The following GRID2 variants were observed in gnomAD, a reference collection of about 807,000 sequenced individuals.
GRID2 encodes the protein glutamate receptor ionotropic, delta-2.
In GRID2, 33 loss-of-function variants were observed where a neutral mutation model predicts 114.8. The ratio of observed to expected loss-of-function variants is 0.29; its 90% CI spans 0.22 to 0.38. GRID2 has a LOEUF of 0.38. Ranked by LOEUF, GRID2 falls within the 10% of genes least tolerant of loss-of-function variation. The probability of loss-of-function intolerance (pLI) is 1.00; values close to 1 mark genes in which losing one functional copy is unlikely to be tolerated. For synonymous variants in GRID2, 505 were observed against 449.9 expected (o/e 1.12, Z -1.55); for missense variants, 1,184 against 1,257.7 (o/e 0.94, Z 0.89).
At chr4:93,465,574 T>C (rs1019495370) in intron 11 of GRID2, among the ~76,000 whole-genome samples, 2 of 152,164 alleles carry the variant, frequency 1.3e-5, no homozygotes, top group Admixed American at 6.5e-5. Flanking sequence ...AAAGAACTCA[T>C]GGATATAAAA....
intron 2 of GRID2, among the ~76,000 whole-genome samples, chr4:92,605,874 C>T (rs1178847691): frequency 6.6e-6 from 1 of 152,036 alleles, no homozygotes; most frequent in Non-Finnish European, 1.5e-5. Flanking sequence ...GGTGTGTATT[C>T]CGAAGGAAAA....
intron 2 of GRID2, among the ~76,000 whole-genome samples, chr4:92,611,681 C>G (rs1729750472): frequency 1.3e-5 from 2 of 151,512 alleles, no homozygotes; most frequent in Admixed American, 1.3e-4. Context: ...AATTTCTTCA[C>G]ATTTTTGCCA....
intron 1 of GRID2, among the ~76,000 whole-genome samples, chr4:92,481,970 G>T (rs1041873307): frequency 2.6e-5 from 3 of 113,680 alleles, no homozygotes; most frequent in African/African-American, 6.9e-5. Flanking sequence ...GTGGACTGGA[G>T]AATAAAATGT....
chr4:92,556,461 A>C (rs181532158), intron 1 of GRID2, among the ~76,000 whole-genome samples: 1 of 152,108 alleles, frequency 6.6e-6, no homozygotes, highest in Admixed American at 6.5e-5. Flanking sequence ...TGGATCATTT[A>C]TTATTATTAT....
intron 2 of GRID2, among the ~76,000 whole-genome samples, chr4:92,805,926 G>C (rs1021739436): frequency 1.3e-5 from 2 of 151,330 alleles, no homozygotes; most frequent in Non-Finnish European, 2.9e-5. Flanking sequence ...TCTGCAAATC[G>C]TATTTACTGT....
At chr4:92,838,854 C>T (rs1178255171) in intron 2 of GRID2, 5 of 151,790 alleles carry the variant, frequency 3.3e-5, no homozygotes, top group Admixed American at 3.3e-4. Flanking sequence ...AGGATCATTT[C>T]CTCTCCTCTC....
intron 7 of GRID2, among the ~76,000 whole-genome samples, 160 bp downstream of exon 7, chr4:93,224,935 A>G (rs1235436950): frequency 3.9e-5 from 6 of 152,304 alleles, no homozygotes; most frequent in African/African-American, 1.4e-4. Flanking sequence ...AGAGTCATCA[A>G]CATATAAAAA....
intron 2 of GRID2, among the ~76,000 whole-genome samples, chr4:92,821,678 A>G (rs1015923890): frequency 2.6e-5 from 4 of 152,144 alleles, no homozygotes; most frequent in East Asian, 1.9e-4. Context: ...CTGCCTGCAT[A>G]TAGCCCACCC....
chr4:93,043,088 A>T (rs1225232217), intron 2 of GRID2, among the ~76,000 whole-genome samples: 1 of 152,160 alleles, frequency 6.6e-6, no homozygotes, highest in African/African-American at 2.4e-5. Context: ...GCAAGATATC[A>T]AGGTCTGTTA....
intron 2 of GRID2, among the ~76,000 whole-genome samples, chr4:92,931,251 C>G (rs1750209140): frequency 6.6e-6 from 1 of 150,542 alleles, no homozygotes; most frequent in Non-Finnish European, 1.5e-5. Flanking sequence ...GGAGAAATAA[C>G]TTAATAGGCA....
In GRID2 at chr4:93,449,148, A is replaced by C. The variant is rs563150694; in HGVS notation, c.1546-6514A>C. 2.7e-3 allele frequency among the ~76,000 whole-genome samples: 411 copies of C among 151,972 alleles called. 2 individuals carry two copies. Among genetic ancestry groups the C allele is most frequent in the Non-Finnish European group, 3.8e-3 (259 of 67,960 alleles). ...TAATATTTAAGAAAACTATCAAGAA[A>C]TTTCAAATATTTACAAAAATTTATT... On this transcript the variant is annotated intron_variant, in intron 10 of 15. Transcript: ENST00000282020.
chr4:92,440,423 C>T (rs1407885968), intron 1 of GRID2, among the ~76,000 whole-genome samples: 2 of 151,610 alleles, frequency 1.3e-5, no homozygotes, highest in Non-Finnish European at 2.9e-5. Flanking sequence ...GTGAAAGTGT[C>T]TACCTAGACT....
Position 93,081,624 on chromosome 4 carries a change from G to T in GRID2, c.245-3371G>T, listed in dbSNP as rs185034856. 1.7e-3 allele frequency among the ~76,000 whole-genome samples: 256 copies of T among 152,194 alleles called. 1 individual carries two copies. Among genetic ancestry groups the T allele is most frequent in the Middle Eastern group, 0.01 (3 of 294 alleles). The stretch of plus-strand genomic sequence containing the variant: ...ATAAAACCAGCAAGCTTTTCAATAT[G>T]ATCTGTATGTATAGATGTTTACGTA... On this transcript the variant is annotated intron_variant, in intron 2 of 15. Transcript: ENST00000282020.
At chr4:93,781,366 G>A (rs1343324596) in intron 1 of GRID2, among the ~76,000 whole-genome samples, 2 of 150,712 alleles carry the variant, frequency 1.3e-5, no homozygotes, top group Admixed American at 6.6e-5. Flanking sequence ...GAGGGGCTGC[G>A]GTGAGACCTG....
At chr4:93,270,464 A>G (rs1450834606) in intron 8 of GRID2, among the ~76,000 whole-genome samples, 1 of 152,154 alleles carries the variant, frequency 6.6e-6, no homozygotes, top group Non-Finnish European at 1.5e-5. Context: ...GGTTAGAGAC[A>G]TTTTGGAGAA....
intron 1 of GRID2, among the ~76,000 whole-genome samples, chr4:92,371,164 T>C (rs1360729347): frequency 6.6e-6 from 1 of 152,142 alleles, no homozygotes; most frequent in Non-Finnish European, 1.5e-5. Flanking sequence ...AAATGAAAGC[T>C]GTAACCATAA....
chr4:93,612,060 C>G (rs1740989089), intron 13 of GRID2, among the ~76,000 whole-genome samples: 1 of 152,050 alleles, frequency 6.6e-6, no homozygotes, highest in Non-Finnish European at 1.5e-5. Flanking sequence ...ATCCCTTTAC[C>G]ATTATGTAAT....
At chr4:92,402,604 T>G (rs1238796964) in intron 1 of GRID2, among the ~76,000 whole-genome samples, 1 of 152,204 alleles carries the variant, frequency 6.6e-6, no homozygotes, top group African/African-American at 2.4e-5. Context: ...TCTTGTTTTA[T>G]GAGCACCAGA....
intron 2 of GRID2, among the ~76,000 whole-genome samples, chr4:92,871,363 C>T (rs1280846915): frequency 1.3e-5 from 2 of 151,240 alleles, no homozygotes; most frequent in African/African-American, 2.4e-5. Context: ...AATCTTTAGG[C>T]CTCAGATTTT....
Sources: gnomAD v4.1 joint callset for allele counts (sites outside exome capture counted in the v4.1 genomes callset) on GRCh38, gnomAD v4.1.1 for gene constraint, MANE v1.5 for transcripts, NCBI Gene and HGNC (gene_info 2026-07-23, HGNC 2026-07-21) for gene names.